SLC16A7: variants seen among roughly 807,000 people sequenced by gnomAD.
SLC16A7 encodes solute carrier family 16 member 7.
A neutral mutation model predicts 34.9 loss-of-function variants in SLC16A7; 33 were observed. The observed-to-expected ratio is 0.94, with a 90% CI of 0.72 to 1.26. The LOEUF (loss-of-function observed/expected upper bound fraction) is 1.26, where lower values mean the gene tolerates loss of function less well. Ranked by LOEUF, SLC16A7 falls within the 50% of genes most tolerant of loss-of-function variation. SLC16A7 has a pLI of 0.00. For missense variants in SLC16A7, 573 were observed against 578.1 expected (o/e 0.99, Z 0.09); for synonymous variants, 201 against 206.6 (o/e 0.97, Z 0.23).
chr12:59,753,620 C>T (rs1879890324), intron 3 of SLC16A7, among the ~76,000 whole-genome samples: 1 of 151,854 alleles, frequency 6.6e-6, no homozygotes, highest in Non-Finnish European at 1.5e-5. Context: ...TCCTGAGTGA[C>T]ATACAAAGAG....
At chr12:59,689,066 T>G (rs1565650057) in intron 2 of SLC16A7, among the ~76,000 whole-genome samples, 2 of 152,040 alleles carry the variant, frequency 1.3e-5, no homozygotes, top group African/African-American at 4.8e-5. Flanking sequence ...TTTGGAATTA[T>G]GCTATCATAC....
At chr12:59,693,615 T>C (rs1392731708) in intron 2 of SLC16A7, among the ~76,000 whole-genome samples, 1 of 151,858 alleles carries the variant, frequency 6.6e-6, no homozygotes, top group Admixed American at 6.6e-5. Context: ...TCAAAAACAT[T>C]ATGGACAGCA....
intron 1 of SLC16A7, among the ~76,000 whole-genome samples, chr12:59,620,651 G>A (rs1879659609): frequency 6.6e-6 from 1 of 151,906 alleles, no homozygotes; most frequent in Non-Finnish European, 1.5e-5. Context: ...GGAAGGAACA[G>A]AAAATAGGAA....
intron 2 of SLC16A7, among the ~76,000 whole-genome samples, chr12:59,655,494 C>G (rs1440768979): frequency 6.6e-6 from 1 of 151,512 alleles, no homozygotes; most frequent in Non-Finnish European, 1.5e-5. Context: ...TAAAAAGAAG[C>G]TAAATATAAA....
At chr12:59,640,503 T>C (rs985314231) in intron 1 of SLC16A7, among the ~76,000 whole-genome samples, 3 of 148,254 alleles carry the variant, frequency 2.0e-5, no homozygotes, top group Admixed American at 1.3e-4. Context: ...TTATGAGAAA[T>C]TAAATACGTG....
At chr12:59,747,845 C>T (rs1051018496) in intron 3 of SLC16A7, among the ~76,000 whole-genome samples, 1 of 152,216 alleles carries the variant, frequency 6.6e-6, no homozygotes, top group Admixed American at 6.5e-5. Flanking sequence ...TATTACTTCA[C>T]TTGATCCTCC....
intron 3 of SLC16A7, among the ~76,000 whole-genome samples, chr12:59,740,513 C>G (rs577127287): frequency 2.6e-5 from 4 of 151,198 alleles, no homozygotes; most frequent in Non-Finnish European, 5.9e-5. Context: ...TTCAACAATG[C>G]TTCATGCTAA....
intron 1 of SLC16A7, among the ~76,000 whole-genome samples, chr12:59,635,363 T>C (rs554983487): frequency 6.6e-6 from 1 of 152,166 alleles, no homozygotes; most frequent in African/African-American, 2.4e-5. Context: ...TCTCTTTCCA[T>C]TGGAAATCTG....
At chr12:59,744,057 A>C (rs892637741) in intron 3 of SLC16A7, among the ~76,000 whole-genome samples, 14 of 152,224 alleles carry the variant, frequency 9.2e-5, no homozygotes, top group African/African-American at 3.4e-4. Context: ...ATTCAGTTTA[A>C]ACAAAATGCA....
Position 59,659,681 on chromosome 12 carries a change from T to A in SLC16A7, c.-31+4431T>A, listed in dbSNP as rs1868733778. On this transcript the variant is annotated intron_variant, in intron 2 of 5. Coordinates refer to ENST00000547379, the MANE Select transcript of SLC16A7 (RefSeq NM_001270623.2). ...CTTGGGTATATGGTCAAATGGGGTT[T>A]CTCATTTGAACTTATCATCAAAACT... Among the ~76,000 whole-genome samples, 3 of 152,238 alleles carry A rather than the reference T, an allele frequency of 2.0e-5. 1 individual carries two copies. The highest frequency in any genetic ancestry group is 6.8e-3 in the Middle Eastern group (2 of 294).
chr12:59,604,432 T>C (rs2136958892), intron 1 of SLC16A7, among the ~76,000 whole-genome samples: 1 of 152,344 alleles, frequency 6.6e-6, no homozygotes, highest in Admixed American at 6.5e-5. Flanking sequence ...ATTATACTCT[T>C]TTATAGATTA....
At chr12:59,696,250 TTATTA>T (rs1872275813) in intron 2 of SLC16A7, 2 of 152,010 alleles carry the variant, frequency 1.3e-5, no homozygotes, top group Admixed American at 6.6e-5. Flanking sequence ...CTTAGTTCTA[TTATTA>T]TATTGACGAA....
intron 1 of SLC16A7, among the ~76,000 whole-genome samples, chr12:59,651,054 T>G (rs1474701819): frequency 6.6e-6 from 1 of 152,128 alleles, no homozygotes; most frequent in Non-Finnish European, 1.5e-5. Flanking sequence ...CAGAGTAAGG[T>G]GATAAACTGA....
In SLC16A7 at chr12:59,615,673, C is replaced by A. The variant is rs74342728; in HGVS notation, c.-130+19437C>A. ...GGCATTCTTCCCTTTGGTGACTGTT[C>A]ATACTCTTGGAGTATTTGGATATTG... On this transcript the variant is annotated intron_variant, in intron 1 of 5. Transcript: ENST00000547379. 3.8e-3 allele frequency among the ~76,000 whole-genome samples: 572 copies of A among 152,276 alleles called. 15 individuals carry two copies. The highest frequency in any genetic ancestry group is 0.027 in the Admixed American group (419 of 15,294).
At chr12:59,602,648 T>A (rs963947722) in intron 1 of SLC16A7, among the ~76,000 whole-genome samples, 2 of 151,870 alleles carry the variant, frequency 1.3e-5, no homozygotes, top group African/African-American at 4.8e-5. Context: ...CACGTCTGGC[T>A]AATTTTTTGT....
chr12:59,660,822 A>C (rs1206591323), intron 2 of SLC16A7, among the ~76,000 whole-genome samples: 1 of 152,154 alleles, frequency 6.6e-6, no homozygotes, highest in Non-Finnish European at 1.5e-5. Context: ...GAAGGATCTC[A>C]TACCCTGTGA....
At chr12:59,606,333 T>G (rs1182031686) in intron 1 of SLC16A7, among the ~76,000 whole-genome samples, 2 of 152,184 alleles carry the variant, frequency 1.3e-5, no homozygotes, top group African/African-American at 2.4e-5. Flanking sequence ...AAGGGAATTT[T>G]AAGAGGGAAA....
intron 2 of SLC16A7, among the ~76,000 whole-genome samples, chr12:59,699,897 A>G (rs1172273892): frequency 6.6e-6 from 1 of 151,672 alleles, no homozygotes. Context: ...CATACTGTAA[A>G]CCAGTATTCT....
At chr12:59,691,896 T>C (rs1226244889) in intron 2 of SLC16A7, among the ~76,000 whole-genome samples, 1 of 152,014 alleles carries the variant, frequency 6.6e-6, no homozygotes, top group Non-Finnish European at 1.5e-5. Flanking sequence ...AAGAAAAACA[T>C]CTTTGTAGTG....
Sources: allele counts gnomAD v4.1 joint callset (sites outside exome capture counted in the v4.1 genomes callset), GRCh38; gene constraint gnomAD v4.1.1; transcripts MANE v1.5; gene names NCBI Gene and HGNC (gene_info 2026-07-23, HGNC 2026-07-21).